SNTG1: variants seen among roughly 807,000 people sequenced by gnomAD.
SNTG1 encodes syntrophin gamma 1.
SNTG1 carries 39 observed loss-of-function variants against 74.7 expected under a neutral mutation model. That is an observed-to-expected ratio of 0.52 (90% CI 0.40 to 0.68). SNTG1 has a LOEUF of 0.68. Ranked by LOEUF, SNTG1 falls within the 30% of genes least tolerant of loss-of-function variation. SNTG1 has a pLI of 0.00. For missense variants in SNTG1, 685 were observed against 609.5 expected (o/e 1.12, Z -1.30); for synonymous variants, 254 against 217.1 (o/e 1.17, Z -1.49).
At chr8:50,602,184 T>C (rs2094779752) in intron 13 of SNTG1, among the ~76,000 whole-genome samples, 1 of 152,110 alleles carries the variant, frequency 6.6e-6, no homozygotes, top group East Asian at 1.9e-4. Flanking sequence ...TTTGTGGTCT[T>C]CTCATTCTTA....
At chr8:50,041,230 T>C (rs531701190) in intron 1 of SNTG1, among the ~76,000 whole-genome samples, 3 of 152,120 alleles carry the variant, frequency 2.0e-5, no homozygotes, top group Non-Finnish European at 4.4e-5. Context: ...AATAGTATTA[T>C]TGAGTCGCTT....
At chr8:50,041,416 A>G (rs2130817860) in intron 1 of SNTG1, among the ~76,000 whole-genome samples, 1 of 152,326 alleles carries the variant, frequency 6.6e-6, no homozygotes, top group South Asian at 2.1e-4. Context: ...AAAGACTCTA[A>G]ACATTTAATG....
chr8:50,023,926 T>C (rs1356499084), intron 1 of SNTG1, among the ~76,000 whole-genome samples: 1 of 152,114 alleles, frequency 6.6e-6, no homozygotes, highest in Non-Finnish European at 1.5e-5. Context: ...TGTGAGTCCA[T>C]AGGGTTTTGG....
At chr8:50,454,424 G>C (rs187349462) in intron 8 of SNTG1, among the ~76,000 whole-genome samples, 2 of 152,284 alleles carry the variant, frequency 1.3e-5, no homozygotes, top group East Asian at 3.9e-4. Flanking sequence ...TTGAACCCGG[G>C]AGGCGGAGAT....
intron 1 of SNTG1, among the ~76,000 whole-genome samples, chr8:50,128,798 G>T (rs2081225704): frequency 6.6e-6 from 1 of 152,054 alleles, no homozygotes; most frequent in Non-Finnish European, 1.5e-5. Flanking sequence ...TGTTTGAATA[G>T]AAAATTATCT....
intron 8 of SNTG1, among the ~76,000 whole-genome samples, chr8:50,452,774 A>C (rs2093468892): frequency 6.6e-6 from 1 of 152,198 alleles, no homozygotes; most frequent in Non-Finnish European, 1.5e-5. Flanking sequence ...TATTTCTAAT[A>C]TTTCACTTTC....
intron 1 of SNTG1, among the ~76,000 whole-genome samples, chr8:50,047,211 T>C (rs1164489616): frequency 6.6e-6 from 1 of 151,972 alleles, no homozygotes; most frequent in African/African-American, 2.4e-5. Flanking sequence ...TGGTGGTGCA[T>C]GCCTGTGGTC....
At chr8:50,115,658 A>G (rs1265436580) in intron 1 of SNTG1, among the ~76,000 whole-genome samples, 1 of 151,670 alleles carries the variant, frequency 6.6e-6, no homozygotes, top group East Asian at 1.9e-4. Context: ...GTGATGACAA[A>G]TGAGTGCTGA....
At chr8:50,761,729 T>C (rs1216044109) in intron 18 of SNTG1, among the ~76,000 whole-genome samples, 1 of 151,924 alleles carries the variant, frequency 6.6e-6, no homozygotes, top group African/African-American at 2.4e-5. Flanking sequence ...ACCATTCCAA[T>C]CACAAATACA....
intron 12 of SNTG1, among the ~76,000 whole-genome samples, chr8:50,574,159 T>C (rs1003239793): frequency 6.6e-6 from 1 of 152,072 alleles, no homozygotes; most frequent in Non-Finnish European, 1.5e-5. Flanking sequence ...CAAGGTCTGA[T>C]TGCAAAAACT....
intron 4 of SNTG1, among the ~76,000 whole-genome samples, chr8:50,423,503 T>C (rs1178535174): frequency 6.6e-6 from 1 of 152,228 alleles, no homozygotes. Context: ...ACCTTTAATT[T>C]TTAACTCAAG....
chr8:50,381,607 TCTC>T (rs2092482250), intron 2 of SNTG1, among the ~76,000 whole-genome samples: 1 of 141,836 alleles, frequency 7.1e-6, no homozygotes, highest in Non-Finnish European at 1.5e-5. Flanking sequence ...TATATATATA[TCTC>T]CTATTAGTTA....
chr8:50,519,967 G>C (rs561583543), intron 9 of SNTG1, among the ~76,000 whole-genome samples: 16 of 152,082 alleles, frequency 1.1e-4, no homozygotes, highest in Admixed American at 5.2e-4. Flanking sequence ...AACCAAAAAA[G>C]AGCCTGAATA....
At chr8:50,599,214 A>G (rs1260518135) in intron 13 of SNTG1, among the ~76,000 whole-genome samples, 1 of 151,912 alleles carries the variant, frequency 6.6e-6, no homozygotes, top group Non-Finnish European at 1.5e-5. Context: ...TTCTGTTCCA[A>G]TGATCTGTGT....
intron 1 of SNTG1, among the ~76,000 whole-genome samples, chr8:49,969,496 A>T (rs1411624583): frequency 7.0e-6 from 1 of 143,022 alleles, no homozygotes; most frequent in Non-Finnish European, 1.5e-5. Flanking sequence ...TCCCATGTTC[A>T]AGCAATTCTC....
rs757470692 is a variant in SNTG1 at position 50,124,061 on chromosome 8, G to A, written c.-102-48500G>A. On this transcript the variant is annotated intron_variant, in intron 1 of 18. Transcript: ENST00000642720. ...TTAATATGTTAAATTCTTAACTTCC[G>A]GTACCTCAGAATCTGTACTTGGAGA... is the stretch of plus-strand genomic sequence containing the variant. Among the ~76,000 whole-genome samples, 22 of 142,150 alleles carry A rather than the reference G, an allele frequency of 1.5e-4. 2 individuals carry two copies. The highest frequency in any genetic ancestry group is 9.4e-4 in the Admixed American group (13 of 13,772). 93.3% of individuals were successfully genotyped at this position (142,150 alleles called of 152,430 possible).
intron 2 of SNTG1, among the ~76,000 whole-genome samples, chr8:50,267,142 A>C (rs1002628219): frequency 1.3e-5 from 2 of 152,132 alleles, no homozygotes; most frequent in South Asian, 4.1e-4. Flanking sequence ...TTTCTTTCAG[A>C]TGTTTACAGG....
At chr8:50,769,156 TACTCTTAAC>T (rs1302687735) in intron 18 of SNTG1, among the ~76,000 whole-genome samples, 2 of 151,864 alleles carry the variant, frequency 1.3e-5, no homozygotes, top group Non-Finnish European at 2.9e-5. Context: ...GAGTACTCTG[TACTCTTAAC>T]ACTCTGTACA....
At chr8:50,214,123 T>C (rs1032177470) in intron 2 of SNTG1, among the ~76,000 whole-genome samples, 2 of 151,314 alleles carry the variant, frequency 1.3e-5, no homozygotes, top group Non-Finnish European at 2.9e-5. Flanking sequence ...ATGGATGAAA[T>C]TGGAAATCAT....
Sources: gnomAD v4.1 joint callset for allele counts (sites outside exome capture counted in the v4.1 genomes callset) on GRCh38, gnomAD v4.1.1 for gene constraint, MANE v1.5 for transcripts, NCBI Gene and HGNC (gene_info 2026-07-23, HGNC 2026-07-21) for gene names.